PTPRC: variants seen among roughly 807,000 people sequenced by gnomAD.
PTPRC encodes the protein protein tyrosine phosphatase receptor type C, also known as receptor-type tyrosine-protein phosphatase C.
In PTPRC, 44 loss-of-function variants were observed where a neutral mutation model predicts 155.9. That is an observed-to-expected ratio of 0.28 (90% CI 0.22 to 0.36). The LOEUF is 0.36. Ranked by LOEUF, PTPRC falls within the 10% of genes least tolerant of loss-of-function variation. PTPRC has a pLI of 1.00. For missense variants in PTPRC, 1,401 were observed against 1,564.6 expected, an observed-to-expected ratio of 0.90 and a Z score of 1.76; for synonymous variants, 525 against 533.1, an observed-to-expected ratio of 0.98 and a Z score of 0.21.
intron 2 of PTPRC, among the ~76,000 whole-genome samples, chr1:198,670,548 A>G (rs111666957): frequency 2.0e-4 from 30 of 152,304 alleles, no homozygotes; most frequent in African/African-American, 7.0e-4. Flanking sequence ...AGTCTAGAGC[A>G]TTTCTTCCAT....
intron 2 of PTPRC, among the ~76,000 whole-genome samples, chr1:198,654,872 A>G (rs1663468194): frequency 6.6e-6 from 1 of 151,940 alleles, no homozygotes; most frequent in South Asian, 2.1e-4. Flanking sequence ...ACTAAGAATG[A>G]ACTACAGATT....
chr1:198,659,833 T>G (rs1180472575), intron 2 of PTPRC, among the ~76,000 whole-genome samples: 1 of 151,942 alleles, frequency 6.6e-6, no homozygotes, highest in Non-Finnish European at 1.5e-5. Flanking sequence ...TGAGCCACTG[T>G]GCCTGACCAA....
intron 25 of PTPRC, among the ~76,000 whole-genome samples, chr1:198,743,067 C>CAAAAAAAAAAAAAAAAAAAAAAGA (rs10628640): frequency 2.6e-5 from 2 of 75,952 alleles, no homozygotes; most frequent in African/African-American, 1.0e-4. Context: ...GTCAAAATAG[C>CAAAAAAAAAAAAAAAAAAAAAAGA]AAAAAAAAAA....
intron 2 of PTPRC, among the ~76,000 whole-genome samples, chr1:198,651,181 ACTGAAAAT>A (rs1277600145): frequency 2.0e-5 from 3 of 151,780 alleles, no homozygotes; most frequent in Non-Finnish European, 2.9e-5. Flanking sequence ...TAGAAATTTA[ACTGAAAAT>A]TTCATGCAAA....
chr1:198,716,324 AATC>A (rs1348096968), intron 12 of PTPRC, among the ~76,000 whole-genome samples: 1 of 152,244 alleles, frequency 6.6e-6, no homozygotes, highest in Non-Finnish European at 1.5e-5. Flanking sequence ...TCTAAAAAAG[AATC>A]ATTCTGAAAC....
chr1:198,724,758 T>C (rs952064370), intron 15 of PTPRC, among the ~76,000 whole-genome samples: 1 of 152,026 alleles, frequency 6.6e-6, no homozygotes, highest in Admixed American at 6.6e-5. Flanking sequence ...TTTCTGTCTT[T>C]ATTCTTGGTC....
intron 2 of PTPRC, chr1:198,679,894 G>C: frequency 1.6e-6 from 1 of 617,542 alleles, no homozygotes; most frequent in Non-Finnish European, 2.9e-6. Context: ...TGAAATGCTG[G>C]TGGGTCTGTT....
chr1:198,659,278 T>G (rs1274960085), intron 2 of PTPRC, among the ~76,000 whole-genome samples: 1 of 152,182 alleles, frequency 6.6e-6, no homozygotes, highest in Admixed American at 6.5e-5. Flanking sequence ...TAGTAATTAC[T>G]TGCATATTTT....
chr1:198,672,384 A>G (rs1664694202), intron 2 of PTPRC, among the ~76,000 whole-genome samples: 1 of 152,160 alleles, frequency 6.6e-6, no homozygotes, highest in Admixed American at 6.5e-5. Context: ...GTTTTGTAAG[A>G]TAATAAATTC....
chr1:198,714,429 G>A (rs1215918310), intron 12 of PTPRC, among the ~76,000 whole-genome samples: 3 of 151,992 alleles, frequency 2.0e-5, no homozygotes, highest in African/African-American at 7.3e-5. Context: ...AACTAGCATG[G>A]GTCCTTCTTA....
At chr1:198,743,385 A>G (rs1249447017) in intron 25 of PTPRC, among the ~76,000 whole-genome samples, 1 of 151,880 alleles carries the variant, frequency 6.6e-6, no homozygotes, top group East Asian at 1.9e-4. Flanking sequence ...CATAAAAACA[A>G]ATTGTTAACC....
At chr1:198,644,125 A>G (rs1662800104) in intron 2 of PTPRC, among the ~76,000 whole-genome samples, 1 of 151,206 alleles carries the variant, frequency 6.6e-6, no homozygotes, top group African/African-American at 2.4e-5. Flanking sequence ...CTGACCTTTG[A>G]TTTTTTTTTC....
intron 2 of PTPRC, among the ~76,000 whole-genome samples, chr1:198,656,657 T>G (rs984158436): frequency 7.9e-5 from 12 of 151,234 alleles, no homozygotes; most frequent in East Asian, 3.9e-4. Flanking sequence ...TTTTTTGTTT[T>G]TTTTTTTTTT....
At chr1:198,726,478 A>C (rs1311268482) in intron 15 of PTPRC, among the ~76,000 whole-genome samples, 2 of 152,104 alleles carry the variant, frequency 1.3e-5, no homozygotes, top group Non-Finnish European at 2.9e-5. Flanking sequence ...AGATAAAATT[A>C]TTTCTATTTT....
rs1313994959 is a variant in PTPRC at position 198,699,712 on chromosome 1, G to A, written c.439+8G>A. On this transcript the variant is annotated splice_region_variant and intron_variant, in intron 5 of 32. Transcript: ENST00000442510. ...GCAGCAATGCTATCTCAGGTTTGCG[G>A]GTCCTTTAGACTTGTGCAAATATGA... The A allele has an allele frequency of 8.1e-6, 13 of 1,613,974 alleles. No homozygotes were observed. Among genetic ancestry groups the A allele is most frequent in the African/African-American group, 6.7e-5 (5 of 74,914 alleles).
At position 198,657,065 on chromosome 1, in the gene PTPRC, C is replaced by T. The variant is rs189349793; in HGVS notation, c.73+17724C>T. ...GTGTATATATATAAATATATATATACACACACACACACTGTATGTATTCCT... is the reference window on the plus strand; with the variant it reads ...GTGTATATATATAAATATATATATATACACACACACACTGTATGTATTCCT... On this transcript the variant is annotated intron_variant, in intron 2 of 32. Coordinates refer to ENST00000442510, the MANE Select transcript of PTPRC (RefSeq NM_002838.5). 2.3e-3 allele frequency among the ~76,000 whole-genome samples: 337 copies of T among 143,888 alleles called. 1 individual carries two copies. The highest frequency in any genetic ancestry group is 7.1e-3 in the Middle Eastern group (2 of 280). 94.4% of individuals were successfully genotyped at this position (143,888 alleles called of 152,430 possible). A position where few individuals can be genotyped will look rare whatever the true frequency, so the allele number is the denominator to read the frequency against.
At chr1:198,716,067 C>T (rs1653572179) in intron 12 of PTPRC, among the ~76,000 whole-genome samples, 1 of 152,136 alleles carries the variant, frequency 6.6e-6, no homozygotes. Flanking sequence ...TTCCTTCTTC[C>T]GTTTGTAATA....
At position 198,756,893 on chromosome 1, in the gene PTPRC, A is replaced by AT. The variant is rs1373011885; in HGVS notation, c.*716dup. On this transcript the variant is annotated 3_prime_UTR_variant, in exon 33 of 33. Transcript: ENST00000442510. ...ATGCTGTCTTTACATGGGGTTTTCA[A>AT]TTTTGCATGCTCGATTATTCCCTGT... 6.6e-6 allele frequency: 1 copy of AT among 151,790 alleles called. No homozygotes were observed. Among genetic ancestry groups the AT allele is most frequent in the African/African-American group, 2.4e-5 (1 of 41,372 alleles). The allele number at this position is 151,790 out of a possible 1,614,324, so 9.4% of individuals were successfully genotyped here.
intron 10 of PTPRC, among the ~76,000 whole-genome samples, chr1:198,708,845 T>A (rs1410235492): frequency 6.6e-6 from 1 of 152,232 alleles, no homozygotes; most frequent in Non-Finnish European, 1.5e-5. Context: ...AGGTGAACTC[T>A]CCCACCCTTT....
Sources: gnomAD v4.1 joint callset for allele counts (sites outside exome capture counted in the v4.1 genomes callset) on GRCh38, gnomAD v4.1.1 for gene constraint, MANE v1.5 for transcripts, NCBI Gene and HGNC (gene_info 2026-07-23, HGNC 2026-07-21) for gene names.